SWT1: variants seen among roughly 807,000 people sequenced by gnomAD.
SWT1 encodes transcriptional protein SWT1.
A neutral mutation model predicts 107.3 loss-of-function variants in SWT1; 33 were observed. That is an observed-to-expected ratio of 0.31 (90% CI 0.23 to 0.41). SWT1 has a LOEUF of 0.41. Among genes scored for constraint, SWT1 ranks in the 10% least tolerant of loss-of-function variants. The probability of loss-of-function intolerance (pLI) is 1.00; values close to 1 mark genes in which losing one functional copy is unlikely to be tolerated. For synonymous variants in SWT1, 345 were observed against 348.3 expected, an observed-to-expected ratio of 0.99 and a Z score of 0.11; for missense variants, 898 against 1,028.9, an observed-to-expected ratio of 0.87 and a Z score of 1.74.
At position 185,221,512 on chromosome 1, in the gene SWT1, C is replaced by A. The variant is rs76415294; in HGVS notation, c.2122-337C>A. ...AACTGGATTGTAAGGTGCTTCAAGGCTTGATTGTACCTCTATACTTTGTAT... is the reference window on the plus strand; with the variant it reads ...AACTGGATTGTAAGGTGCTTCAAGGATTGATTGTACCTCTATACTTTGTAT... On this transcript the variant is annotated intron_variant, in intron 14 of 18. Coordinates refer to ENST00000367500, the MANE Select transcript of SWT1 (RefSeq NM_017673.7). Among the ~76,000 whole-genome samples the A allele has an allele frequency of 5.8e-3, 889 of 152,166 alleles. 33 individuals are homozygous for A. In the East Asian group the frequency reaches 0.094, roughly 16 times the overall value.
At chr1:185,275,178 A>G (rs955987815) in intron 17 of SWT1, among the ~76,000 whole-genome samples, 1 of 152,020 alleles carries the variant, frequency 6.6e-6, no homozygotes, top group African/African-American at 2.4e-5. Context: ...TAGAAAATGG[A>G]TCATTCGCTT....
chr1:185,178,798 T>C (rs1655786593), intron 5 of SWT1, among the ~76,000 whole-genome samples: 1 of 152,202 alleles, frequency 6.6e-6, no homozygotes, highest in African/African-American at 2.4e-5. Flanking sequence ...GAAGGGATTA[T>C]GACTCTCAGG....
At chr1:185,194,924 G>T (rs968871989) in intron 10 of SWT1, among the ~76,000 whole-genome samples, 4 of 151,808 alleles carry the variant, frequency 2.6e-5, no homozygotes, top group African/African-American at 9.7e-5. Flanking sequence ...TTTTTCTCTG[G>T]GCATACTTTA....
chr1:185,242,503 C>T (rs1277409920), intron 16 of SWT1, among the ~76,000 whole-genome samples: 10 of 152,044 alleles, frequency 6.6e-5, no homozygotes, highest in African/African-American at 1.2e-4. Flanking sequence ...AGGTAACCTC[C>T]GCTGATACTT....
chr1:185,207,770 G>A (rs1447982473), intron 13 of SWT1, among the ~76,000 whole-genome samples: 3 of 152,070 alleles, frequency 2.0e-5, no homozygotes, highest in Admixed American at 6.6e-5. Flanking sequence ...GGTGTGTGGT[G>A]CATGCCTGTA....
At chr1:185,231,156 T>C (rs1660482405) in intron 15 of SWT1, among the ~76,000 whole-genome samples, 1 of 152,226 alleles carries the variant, frequency 6.6e-6, no homozygotes, top group Non-Finnish European at 1.5e-5. Context: ...ATAACTATTA[T>C]TAATTTACGA....
intron 16 of SWT1, among the ~76,000 whole-genome samples, chr1:185,237,057 A>G (rs1004749165): frequency 6.6e-6 from 1 of 152,216 alleles, no homozygotes; most frequent in African/African-American, 2.4e-5. Context: ...TGAAGAAACA[A>G]CAGATGCTGG....
At chr1:185,231,865 G>C (rs1184110377) in intron 16 of SWT1, among the ~76,000 whole-genome samples, 157 bp downstream of exon 16, 1 of 152,136 alleles carries the variant, frequency 6.6e-6, no homozygotes, top group East Asian at 1.9e-4. Flanking sequence ...ACTAAAGGAG[G>C]ATACTTCTAA....
At chr1:185,276,164 T>C (rs1664225188) in intron 17 of SWT1, among the ~76,000 whole-genome samples, 1 of 152,152 alleles carries the variant, frequency 6.6e-6, no homozygotes, top group South Asian at 2.1e-4. Context: ...TTTATATTTA[T>C]GGTATTATAA....
At chr1:185,198,962 G>A (rs556683137) in intron 10 of SWT1, among the ~76,000 whole-genome samples, 3 of 143,502 alleles carry the variant, frequency 2.1e-5, no homozygotes, top group South Asian at 2.2e-4. Flanking sequence ...TTTTTGAGAC[G>A]AGTCTCGCTC....
intron 9 of SWT1, among the ~76,000 whole-genome samples, chr1:185,185,837 A>T (rs1044972549): frequency 3.3e-5 from 5 of 152,208 alleles, no homozygotes; most frequent in African/African-American, 1.2e-4. Context: ...TGTCTAAACA[A>T]ATATTTATTA....
chr1:185,261,669 T>C (rs1487331012), intron 16 of SWT1, among the ~76,000 whole-genome samples: 1 of 116,328 alleles, frequency 8.6e-6, no homozygotes, highest in East Asian at 2.3e-4. Context: ...CCTGTGATTT[T>C]CTGCTTTTTT....
chr1:185,257,576 G>A (rs988342030), intron 16 of SWT1, among the ~76,000 whole-genome samples: 6 of 152,310 alleles, frequency 3.9e-5, no homozygotes, highest in East Asian at 1.9e-4. Flanking sequence ...TCTTTGACTC[G>A]GAAAGGGAAC....
chr1:185,284,116 C>T lies in SWT1; in HGVS notation c.2574-6558C>T, dbSNP rs1182930129. 5.3e-5 allele frequency among the ~76,000 whole-genome samples: 8 copies of T among 152,054 alleles called. 1 individual carries two copies. ...ATCTTGGACAACACTTGTTATTTTC[C>T]CTTTTTTGGTTTTGGTTAGTTATTG... On this transcript the variant is annotated intron_variant, in intron 18 of 18. Coordinates refer to ENST00000367500, the MANE Select transcript of SWT1 (RefSeq NM_017673.7).
chr1:185,233,782 C>T (rs893429809), intron 16 of SWT1, among the ~76,000 whole-genome samples: 2 of 152,240 alleles, frequency 1.3e-5, no homozygotes, highest in South Asian at 2.1e-4. Flanking sequence ...CTTGCTCTGT[C>T]GCCCAGGCTG....
chr1:185,270,962 G>T (rs1457442861), intron 16 of SWT1, among the ~76,000 whole-genome samples: 1 of 152,180 alleles, frequency 6.6e-6, no homozygotes, highest in Admixed American at 6.5e-5. Context: ...TTTGTCTGGA[G>T]CTTAAAAGAT....
intron 16 of SWT1, among the ~76,000 whole-genome samples, chr1:185,256,543 G>A (rs1310593492): frequency 6.8e-5 from 10 of 146,638 alleles, no homozygotes; most frequent in African/African-American, 2.1e-4. Context: ...ATCTTCCATT[G>A]CTGATACCCT....
At chr1:185,212,497 A>G (rs567967229) in intron 13 of SWT1, among the ~76,000 whole-genome samples, 4 of 152,154 alleles carry the variant, frequency 2.6e-5, no homozygotes, top group Non-Finnish European at 5.9e-5. Context: ...TGTGATCATT[A>G]TAGTTTATTG....
At chr1:185,184,465 A>G (rs1656285495) in intron 8 of SWT1, 121 bp downstream of exon 8, 13 of 671,486 alleles carry the variant, frequency 1.9e-5, no homozygotes, top group Non-Finnish European at 3.1e-5. Context: ...TATATTAAGC[A>G]TATTCAGTGT....
Sources: gnomAD v4.1 joint callset for allele counts (sites outside exome capture counted in the v4.1 genomes callset) on GRCh38, gnomAD v4.1.1 for gene constraint, MANE v1.5 for transcripts, NCBI Gene and HGNC (gene_info 2026-07-23, HGNC 2026-07-21) for gene names.